PKP2: variants seen among roughly 807,000 people sequenced by gnomAD.
PKP2 encodes the protein plakophilin 2, also known as plakophilin-2.
PKP2 carries 73 observed loss-of-function variants against 83.4 expected under a neutral mutation model. The observed-to-expected ratio is 0.88, with a 90% CI of 0.72 to 1.06. The LOEUF (loss-of-function observed/expected upper bound fraction) is 1.06. Among genes scored for constraint, PKP2 ranks in the 50% least tolerant of loss-of-function variants. The probability of loss-of-function intolerance (pLI) is 0.00; values close to 1 mark genes in which losing one functional copy is unlikely to be tolerated. For synonymous variants in PKP2, 409 were observed against 430.4 expected, an observed-to-expected ratio of 0.95 and a Z score of 0.62; for missense variants, 966 against 1,065.4, an observed-to-expected ratio of 0.91 and a Z score of 1.30.
chr12:32,831,968 T>C (rs555261384), intron 6 of PKP2, among the ~76,000 whole-genome samples: 2 of 152,348 alleles, frequency 1.3e-5, no homozygotes, highest in East Asian at 3.9e-4. Flanking sequence ...ACTTAAGAAC[T>C]GTTGAGAGAT....
At position 32,877,846 on chromosome 12, in the gene PKP2, C is replaced by T; in HGVS notation, c.1034G>A (p.Gly345Glu). 6.2e-7 allele frequency: 1 copy of T among 1,609,904 alleles called. No homozygotes were observed. ...ERSTFTDSQL[G>E]NADMEMTLER... Reference sequence around the variant, plus strand: ...ACTGCAGAGTCAGGAGGGGACTTACCCCAGCTGGGAGTCAGTGAAAGTGCT... The same window carrying T: ...ACTGCAGAGTCAGGAGGGGACTTACTCCAGCTGGGAGTCAGTGAAAGTGCT... The change falls in exon 3 of 13, where the codon GGG becomes GAG. Residue 345 changes from glycine to glutamate, a missense_variant and splice_region_variant. By Grantham distance (98) the Gly-to-Glu change is moderately conservative. Coordinates refer to ENST00000340811, the MANE Select transcript of PKP2 (RefSeq NM_001005242.3).
At chr12:32,845,500 C>A (rs1235401563) in intron 5 of PKP2, among the ~76,000 whole-genome samples, 1 of 151,898 alleles carries the variant, frequency 6.6e-6, no homozygotes, top group Non-Finnish European at 1.5e-5. Context: ...TGCAGTGAGC[C>A]GAGATCATGC....
intron 9 of PKP2, among the ~76,000 whole-genome samples, chr12:32,817,619 C>G (rs1956332189): frequency 1.3e-5 from 2 of 152,188 alleles, no homozygotes; most frequent in South Asian, 4.1e-4. Flanking sequence ...GTCAATTTAT[C>G]AAATATTTAC....
chr12:32,878,127 G>A lies in PKP2; in HGVS notation c.753C>T (p.Ser251=), dbSNP rs1956951304. The A allele has an allele frequency of 6.2e-7, 1 of 1,614,152 alleles. No individual in the cohort carries two copies. Among genetic ancestry groups the A allele is most frequent in the South Asian group, 1.1e-5 (1 of 91,092 alleles). Residue 251 remains serine, a synonymous_variant, in exon 3 of 13, where the codon AGC becomes AGT. Coordinates refer to ENST00000340811, the MANE Select transcript of PKP2 (RefSeq NM_001005242.3). ...TCTCCTTCTCCAAGAGGTTGCCCAT[G>A]CTGCGGCTGGTCCCTGGCCTGGGGT... The part of the protein sequence containing the change: ...LTYPRPGTSR[S]MGNLLEKENY...
At chr12:32,886,799 C>G (rs1293611159) in intron 1 of PKP2, among the ~76,000 whole-genome samples, 2 of 151,762 alleles carry the variant, frequency 1.3e-5, no homozygotes, top group African/African-American at 2.4e-5. Context: ...TGAGACCAGC[C>G]TGGGCAATAT....
chr12:32,877,434 T>C (rs1242331174), intron 3 of PKP2, among the ~76,000 whole-genome samples: 2 of 152,206 alleles, frequency 1.3e-5, no homozygotes, highest in Admixed American at 6.5e-5. Context: ...TTTACAGTCA[T>C]AGTTATCCAA....
rs544126782 is a variant in PKP2, at chr12:32,828,931, T to C, written c.1557-4769A>G. ...TAAATAACTTTAGGAGGCAGAAATT[T>C]TTTTTTGTTTTGTTTTGTTTTTTTG... On this transcript the variant is annotated intron_variant, in intron 6 of 12. Coordinates refer to ENST00000340811, the MANE Select transcript of PKP2 (RefSeq NM_001005242.3). Among the ~76,000 whole-genome samples, 6 of 152,180 alleles carry C rather than the reference T, an allele frequency of 3.9e-5. 1 individual carries two copies. Among genetic ancestry groups the C allele is most frequent in the Middle Eastern group, 3.4e-3 (1 of 294 alleles).
At chr12:32,845,802 T>G (rs1956639110) in intron 5 of PKP2, among the ~76,000 whole-genome samples, 1 of 152,162 alleles carries the variant, frequency 6.6e-6, no homozygotes, top group Admixed American at 6.5e-5. Context: ...GGAGGAATTT[T>G]TTTTTATTTA....
At chr12:32,868,659 A>C (rs1313547593) in intron 4 of PKP2, among the ~76,000 whole-genome samples, 1 of 151,970 alleles carries the variant, frequency 6.6e-6, no homozygotes, top group Non-Finnish European at 1.5e-5. Context: ...AGTAGCTGGG[A>C]TTACAGGTAC....
intron 5 of PKP2, among the ~76,000 whole-genome samples, chr12:32,842,516 C>T (rs985392399): frequency 4.6e-5 from 7 of 152,054 alleles, no homozygotes; most frequent in Non-Finnish European, 7.4e-5. Context: ...GCTGGGATTA[C>T]AGGCATGAGC....
chr12:32,879,023 TGAA>T lies in PKP2; in HGVS notation c.230_232del (p.Leu77del). On this transcript the variant is annotated inframe_deletion, in exon 2 of 13. Transcript: ENST00000340811. ...ATACTCAGGAACACTGCTGGTTCGG[TGAA>T]GATTTCCTGCAATCAAGCAAATATT... 2 of 1,573,192 alleles carry T rather than the reference TGAA, an allele frequency of 1.3e-6. No homozygotes were observed. The highest frequency in any genetic ancestry group is 2.2e-5 in the East Asian group (1 of 44,698).
chr12:32,809,952 A>C (rs899770885), intron 9 of PKP2, among the ~76,000 whole-genome samples: 1 of 152,196 alleles, frequency 6.6e-6, no homozygotes, highest in Non-Finnish European at 1.5e-5. Flanking sequence ...AAGGTGCTGA[A>C]TTCACTTGAT....
intron 9 of PKP2, among the ~76,000 whole-genome samples, chr12:32,816,311 C>T (rs1260560344): frequency 6.6e-6 from 1 of 152,106 alleles, no homozygotes; most frequent in Non-Finnish European, 1.5e-5. Context: ...GTTTAACTCC[C>T]ACGTATAAGT....
intron 5 of PKP2, among the ~76,000 whole-genome samples, chr12:32,848,963 C>T (rs543071349): frequency 1.5e-4 from 22 of 148,636 alleles, no homozygotes; most frequent in African/African-American, 4.0e-4. Context: ...GGAGTATTTC[C>T]GTTAAAAGTA....
At chr12:32,826,305 CAA>C (rs71068338) in intron 6 of PKP2, among the ~76,000 whole-genome samples, 185 of 84,636 alleles carry the variant, frequency 2.2e-3, no homozygotes, top group Middle Eastern at 6.3e-3. Context: ...GACACCGTCT[CAA>C]AAAAAAAAAA....
chr12:32,823,444 A>C (rs908961852), intron 7 of PKP2, among the ~76,000 whole-genome samples: 1 of 144,068 alleles, frequency 6.9e-6, no homozygotes, highest in Non-Finnish European at 1.5e-5. Flanking sequence ...AAAAAAAAGG[A>C]TTATAAAAAG....
At chr12:32,895,196 T>TGA (rs1180220703) in intron 1 of PKP2, among the ~76,000 whole-genome samples, 2 of 152,186 alleles carry the variant, frequency 1.3e-5, no homozygotes, top group East Asian at 3.9e-4. Flanking sequence ...TAAATACATA[T>TGA]ATATATATAT....
chr12:32,796,435 T>C, intron 10 of PKP2, 137 bp from the exon 11 acceptor site: 1 of 780,340 alleles, frequency 1.3e-6, no homozygotes. Context: ...CAGGCTGGAG[T>C]GCAGTGGCAC....
chr12:32,842,401 CCTGA>C (rs1334778777), intron 5 of PKP2, among the ~76,000 whole-genome samples: 1 of 152,032 alleles, frequency 6.6e-6, no homozygotes, highest in Non-Finnish European at 1.5e-5. Context: ...CGCCACCATG[CCTGA>C]CTAATTTTTG....
Sources: gnomAD v4.1 joint callset for allele counts (sites outside exome capture counted in the v4.1 genomes callset) on GRCh38, gnomAD v4.1.1 for gene constraint, MANE v1.5 for transcripts, NCBI Gene and HGNC (gene_info 2026-07-23, HGNC 2026-07-21) for gene names.